ADCY8: variants seen among roughly 807,000 people sequenced by gnomAD.
ADCY8 encodes the protein adenylate cyclase 8.
ADCY8 carries 51 observed loss-of-function variants against 119.7 expected under a neutral mutation model. That is an observed-to-expected ratio of 0.43 (90% CI 0.34 to 0.54). ADCY8 has a LOEUF of 0.54. Ranked by LOEUF, ADCY8 falls within the 20% of genes least tolerant of loss-of-function variation. The pLI, the probability that ADCY8 is intolerant of heterozygous loss-of-function variation, is 0.03. For synonymous variants in ADCY8, 665 were observed against 651.0 expected (o/e 1.02, Z -0.33); for missense variants, 1,383 against 1,598.8 (o/e 0.87, Z 2.30).
chr8:130,986,326 G>A (rs192081288), intron 2 of ADCY8, among the ~76,000 whole-genome samples: 1 of 152,216 alleles, frequency 6.6e-6, no homozygotes, highest in East Asian at 1.9e-4. Flanking sequence ...GTGAAGCTAG[G>A]AGCCAAAGTT....
rs192602368 is a variant in ADCY8 at position 130,867,381 on chromosome 8, A to G, written c.2210+465T>C. ...GGATAATCATGGCACCTACCTCATAAGGTTGTCATGGGGATTCCAGAAGTT... is the reference window on the plus strand; with the variant it reads ...GGATAATCATGGCACCTACCTCATAGGGTTGTCATGGGGATTCCAGAAGTT... On this transcript the variant is annotated intron_variant, in intron 9 of 17. Coordinates refer to ENST00000286355, the MANE Select transcript of ADCY8 (RefSeq NM_001115.3). Among the ~76,000 whole-genome samples the G allele has an allele frequency of 3.0e-3, 463 of 152,302 alleles. 1 individual carries two copies. Among genetic ancestry groups the G allele is most frequent in the African/African-American group, 9.1e-3 (379 of 41,580 alleles).
At position 130,951,415 on chromosome 8, in the gene ADCY8, T is replaced by C. The variant is rs1219803325; in HGVS notation, c.1241+453A>G. 2.6e-5 allele frequency among the ~76,000 whole-genome samples: 4 copies of C among 152,066 alleles called. No homozygotes were observed. In the East Asian group the frequency reaches 7.8e-4, roughly 29 times the overall value. ...ATGGATGGATAGATGGATGGGTGGATGGATAGATGGATGGTTGGCCAAAAA... is the reference window on the plus strand; with the variant it reads ...ATGGATGGATAGATGGATGGGTGGACGGATAGATGGATGGTTGGCCAAAAA... On this transcript the variant is annotated intron_variant, in intron 3 of 17. Coordinates refer to ENST00000286355, the MANE Select transcript of ADCY8 (RefSeq NM_001115.3).
chr8:130,992,631 T>A (rs1822633207), intron 1 of ADCY8, among the ~76,000 whole-genome samples: 1 of 151,866 alleles, frequency 6.6e-6, no homozygotes, highest in African/African-American at 2.4e-5. Context: ...GCCAGGCTGG[T>A]CTTGACATCC....
chr8:130,992,418 T>TGCCTGGC (rs143473268), intron 1 of ADCY8, among the ~76,000 whole-genome samples: 1 of 128,272 alleles, frequency 7.8e-6, no homozygotes. Context: ...TATATATATA[T>TGCCTGGC]ATATATATAT....
intron 1 of ADCY8, among the ~76,000 whole-genome samples, chr8:131,021,945 G>T (rs568129331): frequency 6.6e-6 from 1 of 152,194 alleles, no homozygotes; most frequent in South Asian, 2.1e-4. Flanking sequence ...AACAATTTAG[G>T]GTAATTCAGA....
At chr8:130,932,157 A>G (rs949144110) in intron 5 of ADCY8, among the ~76,000 whole-genome samples, 2 of 152,138 alleles carry the variant, frequency 1.3e-5, no homozygotes, top group Non-Finnish European at 2.9e-5. Context: ...CCAGAGTGAC[A>G]TTGCTAGAAA....
At chr8:130,783,557 C>A (rs550394047) in intron 17 of ADCY8, 134 bp downstream of exon 17, 5 of 602,880 alleles carry the variant, frequency 8.3e-6, no homozygotes, top group African/African-American at 5.6e-5. Context: ...TTGTCCCTAT[C>A]CTTGGCAGGG....
intron 3 of ADCY8, among the ~76,000 whole-genome samples, chr8:130,948,019 A>G (rs1181304107): frequency 6.6e-6 from 1 of 152,146 alleles, no homozygotes; most frequent in Non-Finnish European, 1.5e-5. Context: ...TTTTCTGGTT[A>G]AGGTGGAAAA....
At chr8:130,864,311 G>T (rs983156283) in intron 9 of ADCY8, among the ~76,000 whole-genome samples, 2 of 151,830 alleles carry the variant, frequency 1.3e-5, no homozygotes, top group African/African-American at 4.8e-5. Flanking sequence ...TGTTTATCCT[G>T]GTTGGTTATT....
intron 9 of ADCY8, among the ~76,000 whole-genome samples, chr8:130,855,753 C>A (rs898636968): frequency 1.3e-5 from 2 of 152,100 alleles, no homozygotes; most frequent in Admixed American, 1.3e-4. Context: ...CACTGTGAAC[C>A]GTCAACTCTC....
chr8:130,849,830 C>A, intron 9 of ADCY8, 27 bp from the exon 10 acceptor site: 2 of 1,594,006 alleles, frequency 1.3e-6, no homozygotes, highest in South Asian at 2.3e-5. Flanking sequence ...AATGTTGGGT[C>A]ATTGGCATCA....
At chr8:130,950,208 GATA>G in intron 3 of ADCY8, among the ~76,000 whole-genome samples, 1 of 152,212 alleles carries the variant, frequency 6.6e-6, no homozygotes, top group African/African-American at 2.4e-5. Context: ...TTTACCTTAT[GATA>G]TTTGGTGGGT....
intron 1 of ADCY8, among the ~76,000 whole-genome samples, chr8:131,006,012 C>A (rs576429821): frequency 1.3e-5 from 2 of 152,144 alleles, no homozygotes; most frequent in South Asian, 4.2e-4. Flanking sequence ...TGCTCCCACT[C>A]CAAATTCTCT....
intron 15 of ADCY8, among the ~76,000 whole-genome samples, chr8:130,797,284 A>G (rs1395860955): frequency 6.6e-6 from 1 of 152,180 alleles, no homozygotes; most frequent in Non-Finnish European, 1.5e-5. Flanking sequence ...TGTATTTTAT[A>G]GGTAGCCCAA....
intron 5 of ADCY8, among the ~76,000 whole-genome samples, chr8:130,925,712 A>G (rs1820445399): frequency 6.6e-6 from 1 of 152,246 alleles, no homozygotes; most frequent in Non-Finnish European, 1.5e-5. Flanking sequence ...GGAGTAGTCA[A>G]TTGAAAATTA....
At chr8:130,966,956 C>G (rs1018294209) in intron 2 of ADCY8, among the ~76,000 whole-genome samples, 1 of 152,004 alleles carries the variant, frequency 6.6e-6, no homozygotes, top group Non-Finnish European at 1.5e-5. Flanking sequence ...GGTGCTAAAG[C>G]TTTCACTCTT....
rs114015473 is a variant in ADCY8, at chr8:130,827,272, G to A, written c.2676-5852C>T. 1.6e-3 allele frequency among the ~76,000 whole-genome samples: 238 copies of A among 152,266 alleles called. 2 individuals carry two copies. Among genetic ancestry groups the A allele is most frequent in the East Asian group, 5.0e-3 (26 of 5,178 alleles). ...CAAGGGCAGCCTGTAAAATCCAGCT[G>A]CAGACACAGATGCTGGCAAGTTGTG... On this transcript the variant is annotated intron_variant, in intron 12 of 17. Transcript: ENST00000286355.
chr8:131,002,664 G>GT (rs1163500685), intron 1 of ADCY8, among the ~76,000 whole-genome samples: 2 of 148,220 alleles, frequency 1.3e-5, no homozygotes, highest in Non-Finnish European at 1.5e-5. Flanking sequence ...CTAAGAAAAG[G>GT]TAAAAAAAAA....
intron 2 of ADCY8, among the ~76,000 whole-genome samples, chr8:130,968,127 C>G (rs893924144): frequency 6.6e-6 from 1 of 151,194 alleles, no homozygotes; most frequent in Non-Finnish European, 1.5e-5. Flanking sequence ...GGACCGTGGT[C>G]TGTAGAGAAT....
Sources: allele counts gnomAD v4.1 joint callset (sites outside exome capture counted in the v4.1 genomes callset), GRCh38; gene constraint gnomAD v4.1.1; transcripts MANE v1.5; gene names NCBI Gene and HGNC (gene_info 2026-07-23, HGNC 2026-07-21).